FBXW7: variants seen among roughly 807,000 people sequenced by gnomAD.
FBXW7 encodes F-box and WD repeat domain containing 7.
FBXW7 carries 11 observed loss-of-function variants against 86.3 expected under a neutral mutation model. The ratio of observed to expected loss-of-function variants is 0.13; its 90% CI spans 0.08 to 0.21. The LOEUF (loss-of-function observed/expected upper bound fraction) is 0.21. Among genes scored for constraint, FBXW7 ranks in the 10% least tolerant of loss-of-function variants. The probability of loss-of-function intolerance (pLI) is 1.00; values close to 1 mark genes in which losing one functional copy is unlikely to be tolerated. For synonymous variants in FBXW7, 313 were observed against 297.9 expected (o/e 1.05, Z -0.52); for missense variants, 488 against 847.4 (o/e 0.58, Z 5.27).
chr4:152,347,774 T>C lies in FBXW7; in HGVS notation c.585-703A>G, dbSNP rs1055450688. 2.6e-5 allele frequency among the ~76,000 whole-genome samples: 4 copies of C among 152,206 alleles called. No homozygotes were observed. The South Asian group carries it at 6.2e-4, about 24-fold the overall frequency. On this transcript the variant is annotated intron_variant, in intron 5 of 13. Transcript: ENST00000281708. ...TGAGATTTAACTGTCTCAAACAAAC[T>C]TGAAATTCAATTCTGCCACTAGTAA...
chr4:152,506,961 A>T (rs1168266644), intron 2 of FBXW7, among the ~76,000 whole-genome samples: 1 of 152,258 alleles, frequency 6.6e-6, no homozygotes, highest in Non-Finnish European at 1.5e-5. Context: ...AAGCCAAAAC[A>T]ACATGGTCTA....
At position 152,347,062 on chromosome 4, in the gene FBXW7, C is replaced by G. The variant is rs747156589; in HGVS notation, c.594G>C (p.Gly198=). 1.9e-6 allele frequency: 3 copies of G among 1,587,384 alleles called. No individual in the cohort carries two copies. Among genetic ancestry groups the G allele is most frequent in the Non-Finnish European group, 2.6e-6 (3 of 1,172,062 alleles). ...TTGGTGTTGCTGAACATGGTACAAG[C>G]CCAGTGGTACTACAAAAAAAAAAAA... ...CKVSEYTSTT[G]LVPCSATPTT... is the part of the protein sequence containing the mutation. The change falls in exon 6 of 14, where the codon GGG becomes GGC. Residue 198 remains glycine (G), a synonymous_variant. Transcript: ENST00000281708.
intron 12 of FBXW7, chr4:152,324,964 G>A (rs897665634): frequency 1.3e-5 from 2 of 152,586 alleles, no homozygotes; most frequent in African/African-American, 2.4e-5. Context: ...GGAATCAGAA[G>A]AGGTGGCATT....
At chr4:152,494,258 T>C (rs1746112270) in intron 2 of FBXW7, among the ~76,000 whole-genome samples, 1 of 152,252 alleles carries the variant, frequency 6.6e-6, no homozygotes, top group South Asian at 2.1e-4. Context: ...ATAGAAAAGA[T>C]AGTGGGCAAC....
At chr4:152,522,280 T>C (rs1749096626) in intron 2 of FBXW7, among the ~76,000 whole-genome samples, 1 of 152,162 alleles carries the variant, frequency 6.6e-6, no homozygotes, top group Non-Finnish European at 1.5e-5. Context: ...ATTAGTAAAA[T>C]TCATCTGGAA....
At chr4:152,406,892 T>A (rs570148998) in intron 4 of FBXW7, among the ~76,000 whole-genome samples, 2 of 152,182 alleles carry the variant, frequency 1.3e-5, no homozygotes, top group Admixed American at 1.3e-4. Context: ...ATATAGAGAT[T>A]GACAACCGCT....
At chr4:152,462,619 C>T (rs946674803) in intron 2 of FBXW7, among the ~76,000 whole-genome samples, 1 of 152,232 alleles carries the variant, frequency 6.6e-6, no homozygotes, top group Non-Finnish European at 1.5e-5. Flanking sequence ...AAGCCACAAA[C>T]ATACAATTAC....
intron 2 of FBXW7, among the ~76,000 whole-genome samples, chr4:152,473,419 C>T (rs969212306): frequency 8.5e-5 from 13 of 152,190 alleles, no homozygotes; most frequent in South Asian, 2.1e-4. Context: ...GCAAAGTACT[C>T]GGCCCTGTTG....
intron 2 of FBXW7, among the ~76,000 whole-genome samples, chr4:152,509,601 AAAGAT>A (rs1235585291): frequency 1.3e-5 from 2 of 152,234 alleles, no homozygotes; most frequent in Non-Finnish European, 2.9e-5. Context: ...ATGAAGGAAT[AAAGAT>A]AAGTCGATAA....
chr4:152,339,014 G>A (rs1730444929), intron 6 of FBXW7, among the ~76,000 whole-genome samples: 2 of 152,134 alleles, frequency 1.3e-5, no homozygotes, highest in Non-Finnish European at 2.9e-5. Context: ...TTAAGGATAT[G>A]AGGAGCTGTA....
intron 4 of FBXW7, among the ~76,000 whole-genome samples, chr4:152,396,694 C>A (rs1045007712): frequency 6.6e-6 from 1 of 152,066 alleles, no homozygotes; most frequent in African/African-American, 2.4e-5. Flanking sequence ...AACAATAACT[C>A]ATTTCATTAC....
chr4:152,531,031 G>A (rs1022047476), intron 2 of FBXW7, among the ~76,000 whole-genome samples: 1 of 152,100 alleles, frequency 6.6e-6, no homozygotes, highest in Admixed American at 6.5e-5. Flanking sequence ...GCCTATGCAT[G>A]GCCTTTGGGG....
At chr4:152,526,613 T>C (rs1471253243) in intron 2 of FBXW7, among the ~76,000 whole-genome samples, 1 of 152,200 alleles carries the variant, frequency 6.6e-6, no homozygotes, top group Non-Finnish European at 1.5e-5. Flanking sequence ...ACAGATAAAA[T>C]TTCCGTTCAA....
chr4:152,414,390 G>C (rs554001146), intron 2 of FBXW7, among the ~76,000 whole-genome samples: 57 of 151,996 alleles, frequency 3.8e-4, no homozygotes, highest in Non-Finnish European at 8.8e-5. Flanking sequence ...GCTGCAACAA[G>C]AAGGCAGAGC....
intron 2 of FBXW7, among the ~76,000 whole-genome samples, chr4:152,420,992 G>A (rs1025253925): frequency 1.3e-5 from 2 of 152,146 alleles, no homozygotes; most frequent in African/African-American, 2.4e-5. Flanking sequence ...AGCTAGAAAA[G>A]TCTTAGATGG....
chr4:152,406,915 G>A (rs1737471031), intron 4 of FBXW7, among the ~76,000 whole-genome samples: 1 of 152,140 alleles, frequency 6.6e-6, no homozygotes, highest in Non-Finnish European at 1.5e-5. Context: ...GGGGAATGAA[G>A]TTTATTTTGT....
intron 2 of FBXW7, among the ~76,000 whole-genome samples, chr4:152,417,176 C>T (rs1374395844): frequency 3.9e-5 from 6 of 152,150 alleles, no homozygotes; most frequent in Admixed American, 2.0e-4. Flanking sequence ...GACTCCTCTA[C>T]TGAGCCTATT....
chr4:152,348,705 G>A, intron 5 of FBXW7: 1 of 1,179,470 alleles, frequency 8.5e-7, no homozygotes, highest in Non-Finnish European at 1.1e-6. Flanking sequence ...ATTAATAGAA[G>A]ACTGATACAT....
chr4:152,368,675 G>T (rs1004659003), intron 4 of FBXW7, among the ~76,000 whole-genome samples: 2 of 151,988 alleles, frequency 1.3e-5, no homozygotes, highest in African/African-American at 4.8e-5. Context: ...TAGGAAAATG[G>T]TGTCAGAACT....
Sources: gnomAD v4.1 joint callset for allele counts (sites outside exome capture counted in the v4.1 genomes callset) on GRCh38, gnomAD v4.1.1 for gene constraint, MANE v1.5 for transcripts, NCBI Gene and HGNC (gene_info 2026-07-23, HGNC 2026-07-21) for gene names.